The following ZBTB20 variants were observed in gnomAD, a reference collection of about 807,000 sequenced individuals.
ZBTB20 encodes the protein zinc finger and BTB domain-containing protein 20.
Under a neutral mutation model 56.9 loss-of-function variants are expected in ZBTB20, and 9 were observed. That is an observed-to-expected ratio of 0.16 (90% CI 0.10 to 0.28). The LOEUF (loss-of-function observed/expected upper bound fraction) is 0.28, where lower values mean the gene tolerates loss of function less well. Ranked by LOEUF, ZBTB20 falls within the 10% of genes least tolerant of loss-of-function variation. ZBTB20 has a pLI of 1.00. For synonymous variants in ZBTB20, 417 were observed against 420.7 expected, an observed-to-expected ratio of 0.99 and a Z score of 0.11; for missense variants, 655 against 1,003.0, an observed-to-expected ratio of 0.65 and a Z score of 4.69.
chr3:114,439,456 G>C (rs78257022), intron 7 of ZBTB20, among the ~76,000 whole-genome samples: 2,556 of 152,246 alleles, frequency 0.017, 82 homozygotes, highest in African/African-American at 0.058. Context: ...TTGAAGCGAT[G>C]ACTTCACTCT....
At chr3:115,146,022 T>C (rs113668203) in intron 1 of ZBTB20, among the ~76,000 whole-genome samples, 13 of 152,186 alleles carry the variant, frequency 8.5e-5, no homozygotes, top group African/African-American at 1.9e-4. Context: ...GAAAAAACAG[T>C]GGAGAAGATT....
chr3:114,743,696 G>C (rs569223079), intron 5 of ZBTB20: 1 of 154,380 alleles, frequency 6.5e-6, no homozygotes, highest in South Asian at 2.0e-4. Context: ...TGAAGGGGCA[G>C]TAATCTGTGT....
chr3:114,634,931 A>G (rs1211216195), intron 6 of ZBTB20, among the ~76,000 whole-genome samples: 1 of 152,198 alleles, frequency 6.6e-6, no homozygotes, highest in Non-Finnish European at 1.5e-5. Context: ...GAGCAAAGAA[A>G]TGAGGAGGGC....
chr3:114,615,810 G>A (rs139331649), intron 6 of ZBTB20, among the ~76,000 whole-genome samples: 67 of 152,270 alleles, frequency 4.4e-4, no homozygotes, highest in African/African-American at 1.6e-3. Flanking sequence ...TGGAGGTGGC[G>A]ATTAGGACTA....
At chr3:114,979,032 G>A (rs9875074) in intron 2 of ZBTB20, among the ~76,000 whole-genome samples, 58,143 of 151,478 alleles carry the variant, frequency 0.38, 13,521 homozygotes, top group African/African-American at 0.63. Flanking sequence ...GGCAGGTATC[G>A]TGAGGAAGGG....
intron 6 of ZBTB20, among the ~76,000 whole-genome samples, chr3:114,647,180 G>A (rs1219953167): frequency 6.6e-6 from 1 of 152,020 alleles, no homozygotes; most frequent in African/African-American, 2.4e-5. Context: ...GGATGGTCTC[G>A]ATCTCCTGAC....
chr3:114,678,940 G>C (rs535300852), intron 6 of ZBTB20, among the ~76,000 whole-genome samples: 23 of 152,112 alleles, frequency 1.5e-4, no homozygotes, highest in Non-Finnish European at 3.2e-4. Flanking sequence ...AAAATAAAGT[G>C]ATTATAATTG....
chr3:114,568,102 G>A (rs2052996174), intron 6 of ZBTB20, among the ~76,000 whole-genome samples: 1 of 152,230 alleles, frequency 6.6e-6, no homozygotes. Flanking sequence ...GAGAGACGGA[G>A]AGATAACCCT....
chr3:114,562,180 T>G (rs2052152158), intron 6 of ZBTB20, among the ~76,000 whole-genome samples: 1 of 150,494 alleles, frequency 6.6e-6, no homozygotes, highest in Non-Finnish European at 1.5e-5. Flanking sequence ...TGGTTTGATT[T>G]TTTTTTTTTT....
chr3:115,145,928 C>T (rs1032063320), intron 1 of ZBTB20, among the ~76,000 whole-genome samples: 2 of 152,000 alleles, frequency 1.3e-5, no homozygotes, highest in South Asian at 2.1e-4. Context: ...GGGTGAATGG[C>T]CTCTATAATT....
intron 3 of ZBTB20, among the ~76,000 whole-genome samples, chr3:114,919,393 A>G (rs1334388988): frequency 6.6e-6 from 1 of 152,092 alleles, no homozygotes; most frequent in African/African-American, 2.4e-5. Context: ...AGACAGCAAG[A>G]TTGGAAGAAA....
intron 3 of ZBTB20, among the ~76,000 whole-genome samples, chr3:114,912,398 C>T (rs1159579129): frequency 2.0e-5 from 3 of 151,420 alleles, no homozygotes; most frequent in South Asian, 2.1e-4. Flanking sequence ...GTAATACGCA[C>T]ATCACTTTTT....
At chr3:114,962,575 A>T (rs2077495329) in intron 3 of ZBTB20, among the ~76,000 whole-genome samples, 1 of 152,118 alleles carries the variant, frequency 6.6e-6, no homozygotes, top group Non-Finnish European at 1.5e-5. Context: ...ATAATATAAA[A>T]GCTTAACAGT....
At chr3:114,758,716 G>A (rs538234426) in intron 5 of ZBTB20, among the ~76,000 whole-genome samples, 6 of 152,050 alleles carry the variant, frequency 3.9e-5, no homozygotes, top group Non-Finnish European at 7.4e-5. Flanking sequence ...TCATTCTCAC[G>A]TCTCTAACTT....
intron 6 of ZBTB20, among the ~76,000 whole-genome samples, chr3:114,630,561 G>A (rs756770192): frequency 2.0e-5 from 3 of 152,184 alleles, no homozygotes; most frequent in Non-Finnish European, 4.4e-5. Context: ...CTGGGTACCA[G>A]GTTAGCTGCA....
In ZBTB20 at chr3:114,350,333, A is replaced by C; in HGVS notation, c.1745T>G (p.Leu582Arg). 6.2e-7 allele frequency: 1 copy of C among 1,614,048 alleles called. No individual in the cohort carries two copies. Among genetic ancestry groups the C allele is most frequent in the Non-Finnish European group, 8.5e-7 (1 of 1,179,904 alleles). Residue 582 changes from leucine (L) to arginine (R), a missense_variant, in exon 11 of 12, where the codon CTC becomes CGC. Physicochemically the swap from Leu to Arg is moderately radical, Grantham distance 102. This residue lies in a region of ZBTB20 where 71 missense variants were observed against 89.4 expected (regional missense o/e 0.79). Transcript: ENST00000675478. Reference sequence around the variant, plus strand: ...TTTGGCGGTGAAAGTCTTGTTGCAGAGAGTGCACTCATAAGGCTTTTTTTC... The same window carrying C: ...TTTGGCGGTGAAAGTCTTGTTGCAGCGAGTGCACTCATAAGGCTTTTTTTC... Reference protein sequence around the residue: ...QGEKKPYECTLCNKTFTAKQN... With the variant: ...QGEKKPYECTRCNKTFTAKQN...
intron 5 of ZBTB20, among the ~76,000 whole-genome samples, chr3:114,727,886 T>C (rs2065423958): frequency 6.6e-6 from 1 of 152,022 alleles, no homozygotes; most frequent in Non-Finnish European, 1.5e-5. Context: ...GAAATAATGA[T>C]AGTAAGCACC....
At chr3:114,979,588 T>C (rs1363823034) in intron 2 of ZBTB20, among the ~76,000 whole-genome samples, 1 of 152,018 alleles carries the variant, frequency 6.6e-6, no homozygotes, top group East Asian at 1.9e-4. Flanking sequence ...CCATTATCTA[T>C]TAATAATTAT....
At chr3:114,347,747 A>G (rs1031252756) in intron 11 of ZBTB20, among the ~76,000 whole-genome samples, 1 of 152,218 alleles carries the variant, frequency 6.6e-6, no homozygotes, top group African/African-American at 2.4e-5. Flanking sequence ...ACTGCCAAAT[A>G]ATTCTGGAAT....
Sources: gnomAD v4.1 joint callset for allele counts (sites outside exome capture counted in the v4.1 genomes callset) on GRCh38, gnomAD v4.1.1 for gene constraint, gnomAD v4.1.1 regional missense constraint, MANE v1.5 for transcripts, NCBI Gene and HGNC (gene_info 2026-07-23, HGNC 2026-07-21) for gene names.